Variants in PRKG1 observed in about 807,000 individuals in gnomAD.
The protein encoded by PRKG1 is protein kinase cGMP-dependent 1, also known as cGMP-dependent protein kinase 1.
Under a neutral mutation model 88.1 loss-of-function variants are expected in PRKG1, and 35 were observed. The observed-to-expected ratio is 0.40, with a 90% CI of 0.30 to 0.53. The LOEUF (loss-of-function observed/expected upper bound fraction) is 0.53. PRKG1 is among the 20% of genes least tolerant of loss of function. PRKG1 has a pLI of 0.59. For synonymous variants in PRKG1, 303 were observed against 292.5 expected (o/e 1.04, Z -0.37); for missense variants, 540 against 839.8 (o/e 0.64, Z 4.41).
chr10:51,199,555 C>T lies in PRKG1; in HGVS notation c.478+46225C>T, dbSNP rs79358028. Among the ~76,000 whole-genome samples, 34 of 152,254 alleles carry T rather than the reference C, an allele frequency of 2.2e-4. 1 individual carries two copies. The East Asian group carries it at 6.6e-3, about 29-fold the overall frequency. On this transcript the variant is annotated intron_variant, in intron 2 of 17. Coordinates refer to ENST00000373980, the MANE Select transcript of PRKG1 (RefSeq NM_006258.4). ...ACCATTATCGGCTGTGTTACCAGCACAATGGCCTGTATGGACTACCAAAGG... is the reference window on the plus strand; with the variant it reads ...ACCATTATCGGCTGTGTTACCAGCATAATGGCCTGTATGGACTACCAAAGG...
intron 9 of PRKG1, among the ~76,000 whole-genome samples, chr10:52,163,235 G>A (rs1323884305): frequency 6.7e-6 from 1 of 150,240 alleles, no homozygotes; most frequent in Non-Finnish European, 1.5e-5. Flanking sequence ...TTGTGTGTGT[G>A]TGTGTGTGTG....
chr10:52,145,719 C>T (rs1328691267), intron 8 of PRKG1, among the ~76,000 whole-genome samples: 2 of 152,196 alleles, frequency 1.3e-5, no homozygotes, highest in Admixed American at 1.3e-4. Flanking sequence ...AGTATTCACA[C>T]TTGCCTGGTG....
At chr10:51,482,190 G>T (rs993957920) in intron 3 of PRKG1, among the ~76,000 whole-genome samples, 1 of 152,082 alleles carries the variant, frequency 6.6e-6, no homozygotes, top group Non-Finnish European at 1.5e-5. Flanking sequence ...ATGGCAAGAG[G>T]CATGGACTTT....
intron 4 of PRKG1, among the ~76,000 whole-genome samples, chr10:51,831,609 A>G (rs1175707449): frequency 6.6e-6 from 1 of 152,180 alleles, no homozygotes; most frequent in East Asian, 1.9e-4. Context: ...ATAGTTCACT[A>G]CTATTCCATC....
At chr10:51,746,103 C>G (rs1043577098) in intron 3 of PRKG1, among the ~76,000 whole-genome samples, 4 of 152,124 alleles carry the variant, frequency 2.6e-5, no homozygotes, top group African/African-American at 9.7e-5. Context: ...CCCGCCTTAG[C>G]CTCCCAAAGT....
At chr10:52,282,743 T>C (rs1842027617) in intron 14 of PRKG1, among the ~76,000 whole-genome samples, 1 of 152,124 alleles carries the variant, frequency 6.6e-6, no homozygotes, top group Non-Finnish European at 1.5e-5. Flanking sequence ...TTTCCTGTAA[T>C]GTTATTATCA....
At chr10:51,516,509 C>T (rs965184266) in intron 3 of PRKG1, among the ~76,000 whole-genome samples, 5 of 152,122 alleles carry the variant, frequency 3.3e-5, no homozygotes, top group Admixed American at 6.5e-5. Flanking sequence ...CCATGGGTTT[C>T]AAGCTTTTTG....
chr10:51,232,518 CA>C (rs1838871101), intron 2 of PRKG1, among the ~76,000 whole-genome samples: 1 of 151,060 alleles, frequency 6.6e-6, no homozygotes. Flanking sequence ...AGCCCTATAA[CA>C]ATAAACATTT....
At chr10:52,080,713 CTTTTA>C (rs1191234207) in intron 7 of PRKG1, among the ~76,000 whole-genome samples, 3 of 152,032 alleles carry the variant, frequency 2.0e-5, no homozygotes, top group Admixed American at 1.3e-4. Context: ...AAAACATTGA[CTTTTA>C]TTTTCTCCTT....
chr10:52,185,950 C>T (rs1312545435), intron 9 of PRKG1, among the ~76,000 whole-genome samples: 1 of 152,204 alleles, frequency 6.6e-6, no homozygotes, highest in Non-Finnish European at 1.5e-5. Flanking sequence ...ATTCAGTCCT[C>T]CTACGCCTTT....
chr10:51,891,421 T>C (rs1187705052), intron 4 of PRKG1, among the ~76,000 whole-genome samples: 2 of 152,202 alleles, frequency 1.3e-5, no homozygotes, highest in African/African-American at 4.8e-5. Context: ...AAAAACTATT[T>C]TAACATCGAA....
chr10:52,151,309 T>C (rs1837909308), intron 8 of PRKG1, among the ~76,000 whole-genome samples: 1 of 152,068 alleles, frequency 6.6e-6, no homozygotes, highest in Admixed American at 6.6e-5. Context: ...AAGACGCTCA[T>C]TGTTGCCATA....
chr10:51,454,638 AGCAAAGTCATGTCTTACATGATG>A (rs1409375917), intron 2 of PRKG1, among the ~76,000 whole-genome samples: 1 of 152,152 alleles, frequency 6.6e-6, no homozygotes, highest in Non-Finnish European at 1.5e-5. Flanking sequence ...GCAAAAGAGG[AGCAAAGTCATGTCTTACATGATG>A]GCAGGCAAGA....
intron 7 of PRKG1, among the ~76,000 whole-genome samples, chr10:52,119,585 G>GA (rs373732893): frequency 2.8e-4 from 43 of 151,792 alleles, no homozygotes; most frequent in African/African-American, 1.0e-3. Flanking sequence ...TTCAAAATAG[G>GA]AAAAAAAGTG....
intron 5 of PRKG1, among the ~76,000 whole-genome samples, chr10:51,918,695 G>A (rs553804464): frequency 6.6e-6 from 1 of 152,200 alleles, no homozygotes; most frequent in East Asian, 1.9e-4. Flanking sequence ...TAAATTAGTA[G>A]CCTGCCTTCA....
intron 2 of PRKG1, among the ~76,000 whole-genome samples, chr10:51,450,206 A>G (rs1839394500): frequency 1.3e-5 from 2 of 152,170 alleles, no homozygotes; most frequent in Admixed American, 6.5e-5. Context: ...TTCTTCAGTA[A>G]TAGAAGAATG....
chr10:51,899,640 A>C (rs1841934099), intron 4 of PRKG1, among the ~76,000 whole-genome samples: 1 of 148,588 alleles, frequency 6.7e-6, no homozygotes, highest in Admixed American at 6.8e-5. Context: ...CTTGGGCGAC[A>C]GCGTGAGAGT....
chr10:51,315,534 A>T (rs1414999728), intron 2 of PRKG1, among the ~76,000 whole-genome samples: 1 of 152,200 alleles, frequency 6.6e-6, no homozygotes, highest in Non-Finnish European at 1.5e-5. Flanking sequence ...AAGAGGGGCC[A>T]TTTATTGAGT....
rs1257361106 is a variant in PRKG1, at chr10:51,746,703, A to C, written c.593-57882A>C. 4.0e-5 allele frequency among the ~76,000 whole-genome samples: 6 copies of C among 151,878 alleles called. No individual in the cohort carries two copies. In the East Asian group the frequency reaches 9.7e-4, roughly 24 times the overall value. ...AGGTCACCGCACTGTAGCCTGGGTG[A>C]CAGAGTAAGACCCTGTCTCAAAAAA... is the stretch of plus-strand genomic sequence containing the variant. On this transcript the variant is annotated intron_variant, in intron 3 of 17. Coordinates refer to ENST00000373980, the MANE Select transcript of PRKG1 (RefSeq NM_006258.4).
Sources: allele counts gnomAD v4.1 joint callset (sites outside exome capture counted in the v4.1 genomes callset), GRCh38; gene constraint gnomAD v4.1.1; transcripts MANE v1.5; gene names NCBI Gene and HGNC (gene_info 2026-07-23, HGNC 2026-07-21).